The following MBNL1 variants were observed in gnomAD, a reference collection of about 807,000 sequenced individuals.
MBNL1 encodes the protein muscleblind like splicing regulator 1.
Under a neutral mutation model 42.2 loss-of-function variants are expected in MBNL1, and 8 were observed. The observed-to-expected ratio is 0.19, with a 90% CI of 0.11 to 0.34. The LOEUF (loss-of-function observed/expected upper bound fraction) is 0.34. Among genes scored for constraint, MBNL1 ranks in the 10% least tolerant of loss-of-function variants. The pLI, the probability that MBNL1 is intolerant of heterozygous loss-of-function variation, is 1.00. For synonymous variants in MBNL1, 169 were observed against 173.9 expected, an observed-to-expected ratio of 0.97 and a Z score of 0.22; for missense variants, 309 against 495.3, an observed-to-expected ratio of 0.62 and a Z score of 3.57.
intron 4 of MBNL1, among the ~76,000 whole-genome samples, chr3:152,443,571 T>A (rs2099175274): frequency 6.6e-6 from 1 of 151,614 alleles, no homozygotes; most frequent in Admixed American, 6.6e-5. Flanking sequence ...GAGCCTCACA[T>A]ACAATAAATT....
At chr3:152,338,655 C>A (rs959908083) in intron 2 of MBNL1, 2 of 985,230 alleles carry the variant, frequency 2.0e-6, no homozygotes, top group South Asian at 9.4e-5. Context: ...CAAGAAACCT[C>A]TCCAGAAGAT....
At chr3:152,353,354 G>A (rs1025239496) in intron 2 of MBNL1, among the ~76,000 whole-genome samples, 7 of 152,254 alleles carry the variant, frequency 4.6e-5, no homozygotes, top group Admixed American at 1.3e-4. Flanking sequence ...CACCATTTAC[G>A]CTTAGTGTCT....
intron 3 of MBNL1, among the ~76,000 whole-genome samples, chr3:152,418,929 G>A (rs911788896): frequency 2.6e-5 from 4 of 151,942 alleles, no homozygotes; most frequent in Non-Finnish European, 4.4e-5. Flanking sequence ...TGTTAGCTAG[G>A]ATGGTCTTGA....
At chr3:152,431,898 A>G (rs930345769) in intron 3 of MBNL1, among the ~76,000 whole-genome samples, 1 of 152,250 alleles carries the variant, frequency 6.6e-6, no homozygotes, top group African/African-American at 2.4e-5. Context: ...AAGTTTGCAT[A>G]TCAACAAATA....
At chr3:152,439,246 AT>A (rs1350670242) in intron 4 of MBNL1, among the ~76,000 whole-genome samples, 2 of 152,216 alleles carry the variant, frequency 1.3e-5, no homozygotes, top group Admixed American at 1.3e-4. Flanking sequence ...AAAAAATATA[AT>A]ACCCATTGAC....
At chr3:152,324,664 G>A (rs569978264) in intron 2 of MBNL1, among the ~76,000 whole-genome samples, 11 of 152,228 alleles carry the variant, frequency 7.2e-5, no homozygotes, top group East Asian at 5.8e-4. Context: ...ATGAGGAATA[G>A]CCATGTAGAA....
intron 3 of MBNL1, among the ~76,000 whole-genome samples, chr3:152,418,710 C>A (rs2098745950): frequency 1.4e-5 from 2 of 141,234 alleles, no homozygotes; most frequent in African/African-American, 2.7e-5. Flanking sequence ...AAGGTCTTAA[C>A]AATCTTTTTT....
chr3:152,407,453 G>A (rs1460416122), intron 2 of MBNL1, among the ~76,000 whole-genome samples: 1 of 151,942 alleles, frequency 6.6e-6, no homozygotes, highest in Non-Finnish European at 1.5e-5. Context: ...TTCACCTTCT[G>A]TGGGGATGCT....
At chr3:152,285,324 T>A (rs2050948030) in intron 1 of MBNL1, among the ~76,000 whole-genome samples, 1 of 152,220 alleles carries the variant, frequency 6.6e-6, no homozygotes, top group African/African-American at 2.4e-5. Flanking sequence ...GAATGAAGTT[T>A]TACATTTGAA....
intron 1 of MBNL1, among the ~76,000 whole-genome samples, chr3:152,296,216 G>A (rs1418363357): frequency 3.3e-5 from 5 of 152,168 alleles, no homozygotes; most frequent in African/African-American, 4.8e-5. Context: ...TCTTCCTCCT[G>A]CCATGTCACC....
rs1351675445 is a variant in MBNL1 at position 152,432,135 on chromosome 3, CCAAA to C, written c.346-579_346-576del. Among the ~76,000 whole-genome samples, 3 of 152,148 alleles carry C rather than the reference CCAAA, an allele frequency of 2.0e-5. No homozygotes were observed. In the East Asian group the frequency reaches 5.8e-4, roughly 29 times the overall value. On this transcript the variant is annotated intron_variant, in intron 3 of 9. Transcript: ENST00000324210. The stretch of plus-strand genomic sequence containing the variant: ...GGAAAATCACCATCAAGTAAATATA[CCAAA>C]CACTTTATCTTATGTGCTCAAAAGG...
chr3:152,365,715 A>G (rs1043618251), intron 2 of MBNL1, among the ~76,000 whole-genome samples: 6 of 152,180 alleles, frequency 3.9e-5, no homozygotes, highest in Non-Finnish European at 7.4e-5. Flanking sequence ...AAACAGAACT[A>G]TATTATTTTA....
intron 2 of MBNL1, among the ~76,000 whole-genome samples, chr3:152,355,906 T>C (rs766319184): frequency 6.6e-6 from 1 of 152,214 alleles, no homozygotes; most frequent in Non-Finnish European, 1.5e-5. Flanking sequence ...CAAGATATCA[T>C]GTGCAACATG....
chr3:152,294,973 A>T (rs1310519703), intron 1 of MBNL1, among the ~76,000 whole-genome samples: 1 of 152,220 alleles, frequency 6.6e-6, no homozygotes, highest in Non-Finnish European at 1.5e-5. Context: ...AAATTGATCT[A>T]TAGGATATAA....
chr3:152,422,364 A>G (rs1368314357), intron 3 of MBNL1, among the ~76,000 whole-genome samples: 2 of 152,138 alleles, frequency 1.3e-5, no homozygotes, highest in Non-Finnish European at 2.9e-5. Context: ...AGGGCATTAC[A>G]TAATGGTAAA....
At chr3:152,428,988 C>T (rs2098972179) in intron 3 of MBNL1, among the ~76,000 whole-genome samples, 2 of 152,150 alleles carry the variant, frequency 1.3e-5, no homozygotes, top group Non-Finnish European at 2.9e-5. Flanking sequence ...AGTACTAATT[C>T]AACAGGTATT....
intron 2 of MBNL1, among the ~76,000 whole-genome samples, chr3:152,317,109 A>T (rs2072287177): frequency 6.6e-6 from 1 of 152,086 alleles, no homozygotes; most frequent in Non-Finnish European, 1.5e-5. Context: ...AAGCTACTTG[A>T]TGGTACCTTG....
intron 2 of MBNL1, among the ~76,000 whole-genome samples, chr3:152,375,790 G>T (rs1490957454): frequency 6.6e-6 from 1 of 151,474 alleles, no homozygotes; most frequent in African/African-American, 2.4e-5. Context: ...CTACACTCCA[G>T]CCGGGGTGAT....
intron 2 of MBNL1, among the ~76,000 whole-genome samples, chr3:152,390,887 G>A (rs567623333): frequency 3.3e-5 from 5 of 152,282 alleles, no homozygotes; most frequent in African/African-American, 1.2e-4. Flanking sequence ...AGCTTAACCA[G>A]AACAATGCCC....
Sources: gnomAD v4.1 joint callset for allele counts (sites outside exome capture counted in the v4.1 genomes callset) on GRCh38, gnomAD v4.1.1 for gene constraint, MANE v1.5 for transcripts, NCBI Gene and HGNC (gene_info 2026-07-23, HGNC 2026-07-21) for gene names.